The following KDM2B variants were observed in gnomAD, a reference collection of about 807,000 sequenced individuals.
The protein encoded by KDM2B is lysine-specific demethylase 2B.
KDM2B carries 26 observed loss-of-function variants against 150.0 expected under a neutral mutation model. The observed-to-expected ratio is 0.17, with a 90% CI of 0.13 to 0.24. KDM2B has a LOEUF of 0.24. Among genes scored for constraint, KDM2B ranks in the 10% least tolerant of loss-of-function variants. KDM2B has a pLI of 1.00. For synonymous variants in KDM2B, 734 were observed against 729.5 expected (o/e 1.01, Z -0.10); for missense variants, 1,265 against 1,816.9 (o/e 0.70, Z 5.52).
chr12:121,474,894 T>C (rs541631734), intron 12 of KDM2B, among the ~76,000 whole-genome samples: 63 of 152,190 alleles, frequency 4.1e-4, no homozygotes, highest in Admixed American at 6.5e-4. Flanking sequence ...TGAGGCTGCA[T>C]TGAGCCATGA....
chr12:121,445,106 T>C lies in KDM2B; in HGVS notation c.2103+169A>G, dbSNP rs923859246. On this transcript the variant is annotated intron_variant, in intron 14 of 22. Coordinates refer to ENST00000377071, the MANE Select transcript of KDM2B (RefSeq NM_032590.5). ...TGATGACACTGGGTCTCTGAGGTAC[T>C]CCAGGCCCTCCTTGCCCCGGGCTTA... The C allele has an allele frequency of 1.4e-5, 10 of 698,088 alleles. No individual in the cohort carries two copies. The South Asian group carries it at 1.9e-4, about 13-fold the overall frequency. 43.2% of individuals were successfully genotyped at this position (698,088 alleles called of 1,614,324 possible). A position where few individuals can be genotyped will look rare whatever the true frequency, so the allele number is the denominator to read the frequency against.
chr12:121,487,889 G>A (rs1882945388), intron 12 of KDM2B, among the ~76,000 whole-genome samples: 1 of 149,278 alleles, frequency 6.7e-6, no homozygotes, highest in Non-Finnish European at 1.5e-5. Flanking sequence ...TCAAGTGATT[G>A]TACTGCGTCA....
intron 4 of KDM2B, among the ~76,000 whole-genome samples, chr12:121,557,231 A>AT (rs142679491): frequency 0.012 from 1,252 of 103,646 alleles, 9 homozygotes; most frequent in Admixed American, 0.024. Flanking sequence ...AGACAAGAGA[A>AT]TTTTTTTTTT....
At chr12:121,420,388 G>A in the KDM2B span, 16 of 1,554,164 alleles carry the variant, frequency 1.0e-5, no homozygotes, top group Non-Finnish European at 1.2e-5. Flanking sequence ...GACAGGAAGG[G>A]ACAGTGCCCT....
In KDM2B at chr12:121,580,311, G is replaced by C. The variant is rs1459298064; in HGVS notation, c.126+475C>G. On this transcript the variant is annotated intron_variant, in intron 1 of 22. Coordinates refer to ENST00000377071, the MANE Select transcript of KDM2B (RefSeq NM_032590.5). ...GAACGTAAACATTGTTGCCGATCGC[G>C]CTCGGAGCCCGCGGCCGGGCTATTT... 3 of 1,053,804 alleles carry C rather than the reference G, an allele frequency of 2.8e-6. No individual in the cohort carries two copies. The African/African-American group carries it at 5.4e-5, about 19-fold the overall frequency. The allele number at this position is 1,053,804 out of a possible 1,614,324, so 65.3% of individuals were successfully genotyped here.
In KDM2B at chr12:121,468,206, G is replaced by A. The variant is rs1566304101; in HGVS notation, c.1735-14862C>T. 6.6e-6 allele frequency: 1 copy of A among 152,332 alleles called. No individual in the cohort carries two copies. The highest frequency in any genetic ancestry group is 2.4e-5 in the African/African-American group (1 of 41,446). 9.4% of individuals were successfully genotyped at this position (152,332 alleles called of 1,614,324 possible). ...ACTGGCTGCCCCTTAGGCTGGCTGG[G>A]GAGGTGTGGGTTTCTGAATTCTTAA... On this transcript the variant is annotated intron_variant, in intron 12 of 22. Coordinates refer to ENST00000377071, the MANE Select transcript of KDM2B (RefSeq NM_032590.5). This position sits in a 1 kb window ranked among gnomAD's most constrained non-coding sequence, Gnocchi z 4.0.
Position 121,575,590 on chromosome 12 carries a change from G to A in KDM2B, c.350+191C>T, listed in dbSNP as rs187515014. Among the ~76,000 whole-genome samples the A allele has an allele frequency of 2.6e-5, 4 of 152,222 alleles. No individual in the cohort carries two copies. The highest frequency in any genetic ancestry group is 9.6e-5 in the African/African-American group (4 of 41,452). On this transcript the variant is annotated intron_variant, in intron 3 of 22. Coordinates refer to ENST00000377071, the MANE Select transcript of KDM2B (RefSeq NM_032590.5). This position sits in a 1 kb window ranked among gnomAD's most constrained non-coding sequence, Gnocchi z 4.4. ...TGTCCTCTCTCTGCCCAAAGTCCCT[G>A]CAAAAGACCAGTCTTTGGAGAGTGT...
At chr12:121,436,520 C>CA (rs34346956) in intron 22 of KDM2B, among the ~76,000 whole-genome samples, 4,688 of 114,302 alleles carry the variant, frequency 0.041, 117 homozygotes, top group Middle Eastern at 0.11. Context: ...GACTCCATCT[C>CA]AAAAAAAAAA....
intron 12 of KDM2B, among the ~76,000 whole-genome samples, chr12:121,459,590 G>T (rs782414934): frequency 6.6e-6 from 1 of 152,198 alleles, no homozygotes; most frequent in East Asian, 1.9e-4. Flanking sequence ...CAGCAGTTTG[G>T]GAGGCCAAGG....
chr12:121,442,251 C>G lies in KDM2B; in HGVS notation c.3190G>C (p.Val1064Leu). 1.9e-6 allele frequency: 3 copies of G among 1,612,966 alleles called. No individual in the cohort carries two copies. The highest frequency in any genetic ancestry group is 2.5e-6 in the Non-Finnish European group (3 of 1,179,774). The change falls in exon 19 of 23, where the codon GTC (valine) becomes CTC (leucine). Residue 1064 changes from valine (V) to leucine (L), a missense_variant. Around this residue, in one of 11 missense-constraint regions of KDM2B, gnomAD observed 251 missense variants for 397.8 expected, o/e 0.63. Transcript: ENST00000377071. This position sits in a 1 kb window ranked among gnomAD's most constrained non-coding sequence, Gnocchi z 7.7. ...SLPLDDGAAH[V>L]MHREVWMAVF... ...GCCATCCACACCTCCCTGTGCATGACGTGGGCTGCCCCATCGTCCAGGGGT... is the reference window on the plus strand; with the variant it reads ...GCCATCCACACCTCCCTGTGCATGAGGTGGGCTGCCCCATCGTCCAGGGGT...
chr12:121,422,173 A>G, the KDM2B span, among the ~76,000 whole-genome samples: 2 of 152,226 alleles, frequency 1.3e-5, no homozygotes, highest in Non-Finnish European at 2.9e-5. Flanking sequence ...CATGGTTGTT[A>G]TTATGACAGC....
chr12:121,502,111 A>T (rs1884623134), intron 11 of KDM2B, among the ~76,000 whole-genome samples: 1 of 152,136 alleles, frequency 6.6e-6, no homozygotes, highest in Non-Finnish European at 1.5e-5. Flanking sequence ...AGGCTCGCAC[A>T]TTTGACCCTG....
the KDM2B span, chr12:121,416,461 C>T: frequency 1.1e-6 from 1 of 940,302 alleles, no homozygotes; most frequent in East Asian, 2.4e-5. Flanking sequence ...ATTGAATTTT[C>T]ATTTCTGTTT....
At position 121,520,672 on chromosome 12, in the gene KDM2B, C is replaced by T. The variant is rs556788626; in HGVS notation, c.1047+313G>A. 3.9e-5 allele frequency among the ~76,000 whole-genome samples: 6 copies of T among 152,314 alleles called. No homozygotes were observed. The highest frequency in any genetic ancestry group is 1.9e-4 in the East Asian group (1 of 5,178). On this transcript the variant is annotated intron_variant, in intron 9 of 22. Coordinates refer to ENST00000377071, the MANE Select transcript of KDM2B (RefSeq NM_032590.5). The surrounding 1 kb of genome is among the most constrained non-coding windows in gnomAD (Gnocchi z 4.5). Reference sequence around the variant, plus strand: ...CTAATCCCTCACACCACTTTCTCCACGTGAGGAGGAAGAGGCAGGTCCCTG... The same window carrying T: ...CTAATCCCTCACACCACTTTCTCCATGTGAGGAGGAAGAGGCAGGTCCCTG...
Position 121,479,510 on chromosome 12 carries a change from T to G in KDM2B, c.1734+15069A>C, listed in dbSNP as rs1593892167. Among the ~76,000 whole-genome samples the G allele has an allele frequency of 6.1e-5, 9 of 147,480 alleles. No individual in the cohort carries two copies. In the South Asian group the frequency reaches 1.9e-3, roughly 32 times the overall value. On this transcript the variant is annotated intron_variant, in intron 12 of 22. Transcript: ENST00000377071. Reference sequence around the variant, plus strand: ...GGGGATTACACTGTCTTTAAAAGAGTGGTTCACATGTGTCCCAGCTACTTG... The same window carrying G: ...GGGGATTACACTGTCTTTAAAAGAGGGGTTCACATGTGTCCCAGCTACTTG...
At chr12:121,510,232 G>A (rs1041842056) in intron 10 of KDM2B, among the ~76,000 whole-genome samples, 193 bp from the exon 11 acceptor site, 2 of 152,154 alleles carry the variant, frequency 1.3e-5, no homozygotes, top group African/African-American at 4.8e-5. Flanking sequence ...GCTGCTTCCC[G>A]GCTGTGTGCA....
chr12:121,570,268 T>A (rs28402299), intron 4 of KDM2B, among the ~76,000 whole-genome samples: 3,832 of 152,046 alleles, frequency 0.025, 149 homozygotes, highest in South Asian at 0.15. Context: ...ACCAGGCTGG[T>A]CTCAAACTCC....
chr12:121,440,116 C>T (rs1226814398), intron 21 of KDM2B, 41 bp from the exon 22 acceptor site: 8 of 1,485,350 alleles, frequency 5.4e-6, no homozygotes, highest in South Asian at 3.6e-5. Context: ...TCAATCTGAC[C>T]GAGGAGGCCT....
At chr12:121,427,433 T>C (rs190442256), downstream of KDM2B, among the ~76,000 whole-genome samples, 68 of 152,176 alleles carry the variant, frequency 4.5e-4, no homozygotes, top group Admixed American at 4.4e-3. Flanking sequence ...TCCCAACTAC[T>C]GGGGAGGCTG....
Sources: allele counts gnomAD v4.1 joint callset (sites outside exome capture counted in the v4.1 genomes callset), GRCh38; gene constraint gnomAD v4.1.1; regional missense constraint gnomAD v4.1.1; non-coding constraint Gnocchi (gnomAD v3.1); transcripts MANE v1.5; gene names NCBI Gene and HGNC (gene_info 2026-07-23, HGNC 2026-07-21).